The following FRY variants were observed in gnomAD, a reference collection of about 807,000 sequenced individuals.
The protein encoded by FRY is FRY microtubule binding protein.
A neutral mutation model predicts 348.4 loss-of-function variants in FRY; 128 were observed. The observed-to-expected ratio is 0.37, with a 90% CI of 0.32 to 0.43. The LOEUF (loss-of-function observed/expected upper bound fraction) is 0.43. Ranked by LOEUF, FRY falls within the 20% of genes least tolerant of loss-of-function variation. The probability of loss-of-function intolerance (pLI) is 1.00; values close to 1 mark genes in which losing one functional copy is unlikely to be tolerated. For synonymous variants in FRY, 1,370 were observed against 1,374.7 expected (o/e 1.00, Z 0.08); for missense variants, 2,736 against 3,695.2 (o/e 0.74, Z 6.73).
chr13:32,112,931 T>C (rs1205377708), intron 3 of FRY, among the ~76,000 whole-genome samples: 2 of 152,204 alleles, frequency 1.3e-5, no homozygotes, highest in Non-Finnish European at 2.9e-5. Context: ...TTAGTCAGCA[T>C]TGCTTTAATT....
chr13:32,255,916 G>C (rs1887306667), intron 51 of FRY, among the ~76,000 whole-genome samples: 1 of 152,266 alleles, frequency 6.6e-6, no homozygotes, highest in South Asian at 2.1e-4. Flanking sequence ...AGTTATACAA[G>C]GGAGGGAAAA....
At chr13:32,109,400 A>G (rs972226075) in intron 3 of FRY, among the ~76,000 whole-genome samples, 4 of 152,218 alleles carry the variant, frequency 2.6e-5, no homozygotes, top group Non-Finnish European at 4.4e-5. Context: ...TAGAGGTTGT[A>G]TCAAGTGCTC....
At chr13:32,288,866 A>G (rs941885271) in intron 58 of FRY, among the ~76,000 whole-genome samples, 7 of 152,204 alleles carry the variant, frequency 4.6e-5, no homozygotes, top group African/African-American at 1.7e-4. Context: ...TGTAGAGGGT[A>G]CAGCTCAAAG....
intron 11 of FRY, among the ~76,000 whole-genome samples, chr13:32,146,644 G>T (rs1880479142): frequency 6.6e-6 from 1 of 152,052 alleles, no homozygotes; most frequent in African/African-American, 2.4e-5. Context: ...TCTGCACCTG[G>T]AATCCTTTCC....
intron 26 of FRY, 63 bp from the exon 27 acceptor site, chr13:32,186,197 A>G (rs1376028792): frequency 1.2e-5 from 14 of 1,187,588 alleles, no homozygotes; most frequent in South Asian, 2.4e-5. Context: ...TGTAAGAAAT[A>G]TATATAATAG....
At chr13:32,287,020 C>A (rs1283749745) in intron 58 of FRY, among the ~76,000 whole-genome samples, 2 of 151,490 alleles carry the variant, frequency 1.3e-5, no homozygotes, top group Admixed American at 1.3e-4. Context: ...CAAAAATTAG[C>A]CAGGCGTGGT....
At chr13:32,198,288 T>C (rs1883803729) in intron 29 of FRY, among the ~76,000 whole-genome samples, 1 of 152,200 alleles carries the variant, frequency 6.6e-6, no homozygotes, top group Admixed American at 6.5e-5. Context: ...CTCATATATA[T>C]GTATATTTGT....
At chr13:32,268,770 C>T (rs1026827918) in intron 55 of FRY, among the ~76,000 whole-genome samples, 3 of 151,694 alleles carry the variant, frequency 2.0e-5, no homozygotes, top group Admixed American at 6.6e-5. Context: ...CAGGTTCAAG[C>T]GATTCTCCTG....
intron 36 of FRY, among the ~76,000 whole-genome samples, chr13:32,223,593 T>C (rs2138406537): frequency 6.6e-6 from 1 of 152,210 alleles, no homozygotes; most frequent in Non-Finnish European, 1.5e-5. Flanking sequence ...ATGAACAACA[T>C]GTTGAGACCC....
chr13:32,124,522 C>G (rs978807656), intron 5 of FRY, 80 bp from the exon 6 acceptor site: 4 of 893,026 alleles, frequency 4.5e-6, no homozygotes, highest in Non-Finnish European at 7.5e-6. Context: ...TATTGATTGT[C>G]ATATATAGTT....
intron 7 of FRY, among the ~76,000 whole-genome samples, chr13:32,125,858 C>T (rs574201922): frequency 5.3e-4 from 81 of 152,088 alleles, no homozygotes; most frequent in Middle Eastern, 3.4e-3. Context: ...GAAGGAGGAA[C>T]GGGAACTTCC....
At position 32,239,722 on chromosome 13, in the gene FRY, A is replaced by G; in HGVS notation, c.6528A>G (p.Glu2176=). Residue 2176 remains glutamate, a synonymous_variant, in exon 46 of 61, where the codon GAA becomes GAG. Coordinates refer to ENST00000542859, the MANE Select transcript of FRY (RefSeq NM_023037.3). The surrounding 1 kb of genome is among the most constrained non-coding windows in gnomAD (Gnocchi z 4.3). The part of the protein sequence containing the change: ...IAERIAQVCL[E]EKNPKLSNLA... ...TTTTATTTTAAAAGGTTTGTTTAGAAGAGAAGAACCCCAAACTTTCAAATC... is the reference window on the plus strand; with the variant it reads ...TTTTATTTTAAAAGGTTTGTTTAGAGGAGAAGAACCCCAAACTTTCAAATC... 6.2e-7 allele frequency: 1 copy of G among 1,611,356 alleles called. No individual in the cohort carries two copies. Among genetic ancestry groups the G allele is most frequent in the Admixed American group, 1.7e-5 (1 of 60,024 alleles).
chr13:32,195,416 T>G, intron 29 of FRY, among the ~76,000 whole-genome samples: 1 of 152,178 alleles, frequency 6.6e-6, no homozygotes, highest in African/African-American at 2.4e-5. Flanking sequence ...TTTTAAATTT[T>G]CAGATATTTC....
chr13:32,193,879 C>T (rs1308777692), intron 28 of FRY, among the ~76,000 whole-genome samples: 2 of 152,310 alleles, frequency 1.3e-5, no homozygotes, highest in African/African-American at 2.4e-5. Context: ...TGAGCCACCA[C>T]GCCCAGCCAC....
chr13:32,215,890 A>C (rs1274922179), intron 35 of FRY, among the ~76,000 whole-genome samples: 1 of 152,208 alleles, frequency 6.6e-6, no homozygotes, highest in African/African-American at 2.4e-5. Flanking sequence ...TCAATATATC[A>C]ATCTTAATAA....
intron 39 of FRY, among the ~76,000 whole-genome samples, chr13:32,227,809 C>A (rs1327336366): frequency 6.7e-6 from 1 of 148,690 alleles, no homozygotes; most frequent in Non-Finnish European, 1.5e-5. Context: ...TGGAGCGCAG[C>A]GGCGCGATCT....
chr13:32,083,916 A>C (rs932657162), intron 2 of FRY, among the ~76,000 whole-genome samples: 4 of 152,144 alleles, frequency 2.6e-5, no homozygotes, highest in Admixed American at 2.0e-4. Context: ...ACAATAAAGA[A>C]AGCCTCTAGG....
At position 32,223,556 on chromosome 13, in the gene FRY, A is replaced by C. The variant is rs528483912; in HGVS notation, c.4766-679A>C. The stretch of plus-strand genomic sequence containing the variant: ...TTTGGGAGGCCAAGGTGGGAGGATC[A>C]CTTGAGTCCAGGAGTTCGAGACCAG... On this transcript the variant is annotated intron_variant, in intron 36 of 60. Transcript: ENST00000542859. 2.0e-5 allele frequency among the ~76,000 whole-genome samples: 3 copies of C among 152,212 alleles called. 1 individual carries two copies. In the Middle Eastern group the frequency reaches 0.01, roughly 518 times the overall value.
chr13:32,285,028 T>C (rs1038220414), intron 58 of FRY, among the ~76,000 whole-genome samples: 4 of 152,202 alleles, frequency 2.6e-5, no homozygotes, highest in Non-Finnish European at 5.9e-5. Flanking sequence ...TTTTGTTTCC[T>C]CATTTTGAGA....
Sources: gnomAD v4.1 joint callset for allele counts (sites outside exome capture counted in the v4.1 genomes callset) on GRCh38, gnomAD v4.1.1 for gene constraint, Gnocchi (gnomAD v3.1) non-coding constraint, MANE v1.5 for transcripts, NCBI Gene and HGNC (gene_info 2026-07-23, HGNC 2026-07-21) for gene names.